CCDC171: variants seen among roughly 807,000 people sequenced by gnomAD.
CCDC171 encodes coiled-coil domain-containing protein 171.
A neutral mutation model predicts 168.2 loss-of-function variants in CCDC171; 177 were observed. The ratio of observed to expected loss-of-function variants is 1.05; its 90% CI spans 0.93 to 1.19. The LOEUF is 1.19. CCDC171 is among the 50% of genes most tolerant of loss of function. The probability of loss-of-function intolerance (pLI) is 0.00; values close to 1 mark genes in which losing one functional copy is unlikely to be tolerated. For missense variants in CCDC171, 1,991 were observed against 1,539.0 expected (o/e 1.29, Z -4.91); for synonymous variants, 687 against 540.8 (o/e 1.27, Z -3.75).
At chr9:15,955,944 G>A (rs1191007196) in intron 25 of CCDC171, among the ~76,000 whole-genome samples, 1 of 152,136 alleles carries the variant, frequency 6.6e-6, no homozygotes, top group African/African-American at 2.4e-5. Flanking sequence ...TGTGAGGACA[G>A]TAACAGTGGA....
chr9:16,096,418 A>T, the CCDC171 span, among the ~76,000 whole-genome samples: 2 of 152,156 alleles, frequency 1.3e-5, no homozygotes, highest in East Asian at 1.9e-4. Flanking sequence ...CCAAAAGAGG[A>T]TTATATGCTG....
chr9:15,733,478 GTT>G (rs77820713), intron 16 of CCDC171, among the ~76,000 whole-genome samples: 2 of 124,676 alleles, frequency 1.6e-5, no homozygotes. Context: ...ATTAAGGTCA[GTT>G]TTTTTTTTTT....
chr9:15,907,623 A>G (rs1822890513), intron 24 of CCDC171, among the ~76,000 whole-genome samples: 1 of 152,234 alleles, frequency 6.6e-6, no homozygotes, highest in Non-Finnish European at 1.5e-5. Flanking sequence ...CTAAAACACC[A>G]AAAGCAATGG....
chr9:15,741,502 T>C (rs1016578576), intron 16 of CCDC171, among the ~76,000 whole-genome samples: 1 of 152,242 alleles, frequency 6.6e-6, no homozygotes, highest in Non-Finnish European at 1.5e-5. Flanking sequence ...TGTGTGGATA[T>C]ACCACATTTT....
intron 16 of CCDC171, among the ~76,000 whole-genome samples, chr9:15,735,288 C>G (rs922887541): frequency 6.6e-6 from 1 of 152,174 alleles, no homozygotes; most frequent in Admixed American, 6.5e-5. Context: ...TCTCAAGTGT[C>G]TATGCCTACT....
intron 10 of CCDC171, among the ~76,000 whole-genome samples, chr9:15,688,164 G>A (rs2050542715): frequency 6.7e-6 from 1 of 150,088 alleles, no homozygotes; most frequent in South Asian, 2.1e-4. Flanking sequence ...GAAAATCAAT[G>A]CAATAGCAGG....
intron 1 of CCDC171, among the ~76,000 whole-genome samples, chr9:16,050,770 T>C (rs1399825207): frequency 6.6e-6 from 1 of 152,228 alleles, no homozygotes; most frequent in Non-Finnish European, 1.5e-5. Flanking sequence ...AAAAATAAAA[T>C]TTCACAAGAT....
At chr9:15,779,222 T>C (rs1188549442) in intron 20 of CCDC171, 72 bp downstream of exon 20, 27 of 842,408 alleles carry the variant, frequency 3.2e-5, no homozygotes, top group Non-Finnish European at 3.9e-5. Flanking sequence ...CCTTTTTTCC[T>C]TAACTTTTGT....
chr9:15,641,952 T>C (rs980711247), intron 7 of CCDC171, among the ~76,000 whole-genome samples: 1 of 151,998 alleles, frequency 6.6e-6, no homozygotes, highest in Admixed American at 6.6e-5. Flanking sequence ...TCACTTGAGG[T>C]CAAGAGTCCG....
chr9:15,805,921 T>C (rs2059052228), intron 21 of CCDC171, among the ~76,000 whole-genome samples: 1 of 152,190 alleles, frequency 6.6e-6, no homozygotes. Flanking sequence ...AAGAATGTGC[T>C]TTATGAATCT....
At chr9:15,616,243 C>T (rs544115051) in intron 6 of CCDC171, among the ~76,000 whole-genome samples, 14 of 152,012 alleles carry the variant, frequency 9.2e-5, no homozygotes, top group Non-Finnish European at 1.8e-4. Context: ...TGAGCCACCA[C>T]GCCCAGCCAT....
chr9:15,940,686 A>G (rs986265234), intron 25 of CCDC171, among the ~76,000 whole-genome samples: 1 of 151,928 alleles, frequency 6.6e-6, no homozygotes, highest in African/African-American at 2.4e-5. Flanking sequence ...TTTGAGGTAC[A>G]GAGAAATTGA....
chr9:15,607,803 T>A (rs2043335438), intron 6 of CCDC171, among the ~76,000 whole-genome samples: 1 of 152,204 alleles, frequency 6.6e-6, no homozygotes. Context: ...ATAAAATAGC[T>A]TCTGTTCATT....
intron 18 of CCDC171, among the ~76,000 whole-genome samples, chr9:15,751,978 C>T (rs1211547532): frequency 6.6e-6 from 1 of 152,116 alleles, no homozygotes; most frequent in African/African-American, 2.4e-5. Flanking sequence ...AGGCAACCTA[C>T]CGAATGGGAG....
At chr9:16,004,643 G>A (rs545873884) in intron 3 of CCDC171, among the ~76,000 whole-genome samples, 45 of 152,174 alleles carry the variant, frequency 3.0e-4, no homozygotes, top group Non-Finnish European at 5.4e-4. Flanking sequence ...CCCCGTCACT[G>A]CCTTACTGAG....
chr9:15,736,623 A>T (rs2054511180), intron 16 of CCDC171, among the ~76,000 whole-genome samples: 1 of 151,818 alleles, frequency 6.6e-6, no homozygotes, highest in Non-Finnish European at 1.5e-5. Context: ...AAGTGTTGGA[A>T]TTACAAATGT....
At chr9:15,612,154 C>T (rs538295945) in intron 6 of CCDC171, among the ~76,000 whole-genome samples, 4 of 152,292 alleles carry the variant, frequency 2.6e-5, no homozygotes, top group African/African-American at 9.6e-5. Context: ...TTTTTATAAA[C>T]TGCCTAGTTT....
intron 3 of CCDC171, among the ~76,000 whole-genome samples, chr9:15,996,417 CTTTT>C (rs34798326): frequency 0.016 from 1,049 of 64,632 alleles, 9 homozygotes; most frequent in African/African-American, 0.055. Flanking sequence ...CTAGGAGGCT[CTTTT>C]TTTTTTTTTT....
At chr9:16,032,724 C>T (rs1376735438) in intron 6 of CCDC171, among the ~76,000 whole-genome samples, 1 of 152,100 alleles carries the variant, frequency 6.6e-6, no homozygotes, top group Non-Finnish European at 1.5e-5. Context: ...CTCGAGTGAT[C>T]CTCCCACCTA....
Sources: gnomAD v4.1 joint callset for allele counts (sites outside exome capture counted in the v4.1 genomes callset) on GRCh38, gnomAD v4.1.1 for gene constraint, MANE v1.5 for transcripts, NCBI Gene and HGNC (gene_info 2026-07-23, HGNC 2026-07-21) for gene names.